Variants in ANKS1B observed in about 807,000 individuals in gnomAD.
ANKS1B encodes ankyrin repeat and sterile alpha motif domain containing 1B.
Under a neutral mutation model 148.3 loss-of-function variants are expected in ANKS1B, and 36 were observed. The ratio of observed to expected loss-of-function variants is 0.24; its 90% CI spans 0.19 to 0.32. The LOEUF (loss-of-function observed/expected upper bound fraction) is 0.32, where lower values mean the gene tolerates loss of function less well. Ranked by LOEUF, ANKS1B falls within the 10% of genes least tolerant of loss-of-function variation. The probability of loss-of-function intolerance (pLI) is 1.00; values close to 1 mark genes in which losing one functional copy is unlikely to be tolerated. For synonymous variants in ANKS1B, 542 were observed against 560.8 expected (o/e 0.97, Z 0.47); for missense variants, 1,157 against 1,542.6 (o/e 0.75, Z 4.19).
chr12:99,597,854 T>G (rs966256107), intron 9 of ANKS1B, among the ~76,000 whole-genome samples: 1 of 152,058 alleles, frequency 6.6e-6, no homozygotes, highest in Non-Finnish European at 1.5e-5. Context: ...TATGGAATAA[T>G]TCTATACCTC....
intron 22 of ANKS1B, among the ~76,000 whole-genome samples, chr12:98,782,956 G>C (rs1380912438): frequency 6.6e-6 from 1 of 151,456 alleles, no homozygotes; most frequent in East Asian, 1.9e-4. Context: ...GCAATGTGTT[G>C]ATTTTAAGGC....
chr12:99,220,516 G>A (rs1360752167), intron 14 of ANKS1B, among the ~76,000 whole-genome samples: 3 of 141,384 alleles, frequency 2.1e-5, no homozygotes, highest in Non-Finnish European at 3.0e-5. Flanking sequence ...CAGTGGCGTC[G>A]GCTCACTGCA....
At chr12:99,921,569 C>A (rs1296895957) in intron 1 of ANKS1B, among the ~76,000 whole-genome samples, 1 of 152,024 alleles carries the variant, frequency 6.6e-6, no homozygotes, top group Admixed American at 6.6e-5. Flanking sequence ...CAAAAATAAC[C>A]AAATTCTCAC....
At chr12:99,208,923 A>G (rs1210478950) in intron 14 of ANKS1B, among the ~76,000 whole-genome samples, 2 of 152,074 alleles carry the variant, frequency 1.3e-5, no homozygotes, top group East Asian at 1.9e-4. Flanking sequence ...TTTCCTCTCT[A>G]TTTGATCTTT....
chr12:99,222,317 C>G lies in ANKS1B; in HGVS notation c.2419+22025G>C, dbSNP rs146570048. ...TTGTATAAACTTTTATACTTTCTTA[C>G]ATTAAAACTCTCTTGGCCAGGAGTG... is the stretch of plus-strand genomic sequence containing the variant. On this transcript the variant is annotated intron_variant, in intron 14 of 26. Coordinates refer to ENST00000683438, the MANE Select transcript of ANKS1B (RefSeq NM_001352186.2). Among the ~76,000 whole-genome samples, 541 of 152,216 alleles carry G rather than the reference C, an allele frequency of 3.6e-3. 4 individuals are homozygous for G. Among genetic ancestry groups the G allele is most frequent in the African/African-American group, 0.012 (518 of 41,538 alleles).
intron 12 of ANKS1B, among the ~76,000 whole-genome samples, chr12:99,315,794 A>G (rs2083966676): frequency 6.6e-6 from 1 of 152,056 alleles, no homozygotes; most frequent in Admixed American, 6.6e-5. Context: ...TACATTAGGT[A>G]TATCTCCTAA....
At chr12:98,790,867 G>A (rs1338427589) in intron 22 of ANKS1B, among the ~76,000 whole-genome samples, 1 of 152,204 alleles carries the variant, frequency 6.6e-6, no homozygotes, top group African/African-American at 2.4e-5. Flanking sequence ...CTTGAGACAA[G>A]TGGGAATTAA....
intron 9 of ANKS1B, among the ~76,000 whole-genome samples, chr12:99,507,398 T>C (rs1456836514): frequency 1.3e-5 from 2 of 151,776 alleles, no homozygotes; most frequent in African/African-American, 2.4e-5. Flanking sequence ...TCCTTAAAAA[T>C]GAAGTATATA....
intron 1 of ANKS1B, among the ~76,000 whole-genome samples, chr12:99,888,930 T>C (rs1332746593): frequency 6.7e-6 from 1 of 149,682 alleles, no homozygotes; most frequent in East Asian, 2.0e-4. Context: ...CTCTTAACCC[T>C]AAAATTCCAA....
At chr12:99,771,002 C>T (rs184834920) in intron 8 of ANKS1B, among the ~76,000 whole-genome samples, 3 of 152,052 alleles carry the variant, frequency 2.0e-5, no homozygotes, top group African/African-American at 7.2e-5. Flanking sequence ...TATCACAATA[C>T]AGTCTTTGGC....
intron 12 of ANKS1B, among the ~76,000 whole-genome samples, chr12:99,343,971 T>A (rs1042622948): frequency 1.3e-5 from 2 of 152,042 alleles, no homozygotes; most frequent in African/African-American, 4.8e-5. Flanking sequence ...GTTCCCAGAA[T>A]CACCACATGG....
intron 12 of ANKS1B, among the ~76,000 whole-genome samples, chr12:99,354,091 C>G (rs185437705): frequency 2.1e-3 from 325 of 152,126 alleles, no homozygotes; most frequent in African/African-American, 7.3e-3. Flanking sequence ...TATGAACTAA[C>G]TGGTAAATAT....
intron 10 of ANKS1B, among the ~76,000 whole-genome samples, chr12:99,462,118 T>C (rs531962261): frequency 6.6e-6 from 1 of 152,354 alleles, no homozygotes; most frequent in Admixed American, 6.5e-5. Context: ...TATTCCTATT[T>C]GCAGTTGACA....
chr12:99,178,144 G>A (rs1027703290), intron 14 of ANKS1B, among the ~76,000 whole-genome samples: 13 of 152,074 alleles, frequency 8.5e-5, no homozygotes, highest in African/African-American at 3.1e-4. Flanking sequence ...TCATTCCAAC[G>A]CCATACTCTT....
In ANKS1B at chr12:98,937,664, T is replaced by C. The variant is rs530656359; in HGVS notation, c.2779-105528A>G. On this transcript the variant is annotated intron_variant, in intron 17 of 26. Transcript: ENST00000683438. ...CCTTCCTTGGGCTTCCACTGTACTG[T>C]ACACATGCCACCTATAAGCTGTGTG... 2.0e-4 allele frequency among the ~76,000 whole-genome samples: 30 copies of C among 152,270 alleles called. 1 individual carries two copies. The South Asian group carries it at 5.8e-3, about 29-fold the overall frequency.
chr12:98,959,350 A>G (rs1013440219), intron 17 of ANKS1B, among the ~76,000 whole-genome samples: 1 of 152,158 alleles, frequency 6.6e-6, no homozygotes, highest in Non-Finnish European at 1.5e-5. Context: ...CCTCAGATAC[A>G]TGACAAGCCA....
rs554708349 is a variant in ANKS1B, at chr12:99,282,223, C to A, written c.1757-35359G>T. On this transcript the variant is annotated intron_variant, in intron 12 of 26. Transcript: ENST00000683438. ...GCCATTTGGCTACCTGGGAGAAGAGCATTCTAGGCAGAGGAAATAGCAGGT... is the reference window on the plus strand; with the variant it reads ...GCCATTTGGCTACCTGGGAGAAGAGAATTCTAGGCAGAGGAAATAGCAGGT... Among the ~76,000 whole-genome samples, 361 of 152,232 alleles carry A rather than the reference C, an allele frequency of 2.4e-3. 1 individual carries two copies. The highest frequency in any genetic ancestry group is 8.3e-3 in the African/African-American group (346 of 41,544).
intron 12 of ANKS1B, among the ~76,000 whole-genome samples, chr12:99,265,146 T>TA (rs2076318538): frequency 1.3e-5 from 2 of 152,194 alleles, no homozygotes; most frequent in Admixed American, 1.3e-4. Flanking sequence ...TAGTAGTGGC[T>TA]ACTGTAAAGG....
intron 10 of ANKS1B, among the ~76,000 whole-genome samples, chr12:99,448,900 C>T (rs183698604): frequency 1.6e-3 from 247 of 152,142 alleles, no homozygotes; most frequent in South Asian, 7.3e-3. Context: ...TTCTCTCTCT[C>T]CCTTTGGACT....
Sources: gnomAD v4.1 joint callset for allele counts (sites outside exome capture counted in the v4.1 genomes callset) on GRCh38, gnomAD v4.1.1 for gene constraint, MANE v1.5 for transcripts, NCBI Gene and HGNC (gene_info 2026-07-23, HGNC 2026-07-21) for gene names.